The following AADAT variants were observed in gnomAD, a reference collection of about 807,000 sequenced individuals.
AADAT encodes the protein aminoadipate aminotransferase.
AADAT carries 25 observed loss-of-function variants against 56.2 expected under a neutral mutation model. That is an observed-to-expected ratio of 0.44 (90% CI 0.32 to 0.62). The LOEUF is 0.62. AADAT is among the 20% of genes least tolerant of loss of function. The probability of loss-of-function intolerance (pLI) is 0.04; values close to 1 mark genes in which losing one functional copy is unlikely to be tolerated. For synonymous variants in AADAT, 173 were observed against 164.7 expected (o/e 1.05, Z -0.39); for missense variants, 387 against 510.5 (o/e 0.76, Z 2.33).
At position 170,067,365 on chromosome 4, in the gene AADAT, G is replaced by C. The variant is rs779009351; in HGVS notation, c.924C>G (p.His308Gln). ...CCATGAAACCTTCTTCTCCCCATTC[G>C]TGTAGAAGCTGTGATATCATGAGCT... is the stretch of plus-strand genomic sequence containing the variant. ...FNQLMISQLL[H>Q]EWGEEGFMAH... Residue 308 changes from histidine (H) to glutamine (Q), a missense_variant, in exon 9 of 13, where the codon CAC becomes CAG. Physicochemically the swap from His to Gln is conservative, Grantham distance 24. Transcript: ENST00000337664. The C allele has an allele frequency of 6.2e-7, 1 of 1,613,170 alleles. No homozygotes were observed. The highest frequency in any genetic ancestry group is 2.2e-5 in the East Asian group (1 of 44,788).
In AADAT at chr4:170,073,403, GTT is replaced by G. The variant is rs5864015; in HGVS notation, c.445-60_445-59del. 2,955 of 1,168,736 alleles carry G rather than the reference GTT, an allele frequency of 2.5e-3. 1 individual carries two copies. Among genetic ancestry groups the G allele is most frequent in the East Asian group, 7.6e-3 (216 of 28,526 alleles). 72.4% of individuals were successfully genotyped at this position (1,168,736 alleles called of 1,614,324 possible). Reference sequence around the variant, plus strand: ...ATGATTACAAATGTAAGTGCTATTGGTTTTTTTTTTTTCTTTCTAACTAAGAA... The same window carrying G: ...ATGATTACAAATGTAAGTGCTATTGGTTTTTTTTTTCTTTCTAACTAAGAA... On this transcript the variant is annotated intron_variant, in intron 4 of 12. Coordinates refer to ENST00000337664, the MANE Select transcript of AADAT (RefSeq NM_016228.4).
chr4:170,066,061 CTTAG>C lies in AADAT; in HGVS notation c.1027+349_1027+352del, dbSNP rs1231748849. 5.8e-4 allele frequency among the ~76,000 whole-genome samples: 88 copies of C among 152,014 alleles called. 4 individuals carry two copies. Among genetic ancestry groups the C allele is most frequent in the Non-Finnish European group, 1.3e-4 (9 of 68,002 alleles). On this transcript the variant is annotated intron_variant, in intron 10 of 12. Transcript: ENST00000337664. Reference sequence around the variant, plus strand: ...CAGTAAGACATCTGCCTTTGTACAGCTTAGTTAGAGAAGCATGGTTTGACAATTT... The same window carrying C: ...CAGTAAGACATCTGCCTTTGTACAGCTTAGAGAAGCATGGTTTGACAATTT...
chr4:170,076,243 C>A (rs572832806), intron 4 of AADAT, among the ~76,000 whole-genome samples: 61 of 152,168 alleles, frequency 4.0e-4, no homozygotes, highest in Non-Finnish European at 5.0e-4. Context: ...CACATATTCA[C>A]TATTTTTTTT....
intron 1 of AADAT, 48 bp from the exon 2 acceptor site, chr4:170,088,612 T>C: frequency 1.9e-6 from 3 of 1,557,178 alleles, no homozygotes; most frequent in Non-Finnish European, 2.6e-6. Context: ...AAGATTGTTA[T>C]AAGCGGATAG....
chr4:170,064,695 C>T, intron 11 of AADAT, 24 bp downstream of exon 11: 1 of 1,546,348 alleles, frequency 6.5e-7, no homozygotes, highest in Non-Finnish European at 8.7e-7. Flanking sequence ...TTAGGTTTCC[C>T]AGCCCTTCAC....
intron 3 of AADAT, among the ~76,000 whole-genome samples, chr4:170,082,941 T>C (rs917991025): frequency 6.6e-6 from 1 of 151,388 alleles, no homozygotes; most frequent in Non-Finnish European, 1.5e-5. Flanking sequence ...ACAATAATAG[T>C]AGGAGACTTT....
intron 3 of AADAT, among the ~76,000 whole-genome samples, chr4:170,085,690 C>T (rs1732525967): frequency 6.6e-6 from 1 of 152,146 alleles, no homozygotes; most frequent in East Asian, 1.9e-4. Context: ...TCATTCTATA[C>T]AATCACAAAT....
At chr4:170,070,777 T>C in intron 5 of AADAT, 125 bp from the exon 6 acceptor site, 1 of 638,410 alleles carries the variant, frequency 1.6e-6, no homozygotes, top group African/African-American at 1.9e-5. Flanking sequence ...GTGTCTATTG[T>C]CTTAGACAAC....
At chr4:170,077,748 A>G (rs567304269) in intron 4 of AADAT, among the ~76,000 whole-genome samples, 58 of 152,368 alleles carry the variant, frequency 3.8e-4, no homozygotes, top group African/African-American at 1.2e-3. Context: ...CTGTGGTTCC[A>G]GTTCTATTAA....
At chr4:170,079,639 T>C (rs1471514614) in intron 3 of AADAT, among the ~76,000 whole-genome samples, 1 of 151,984 alleles carries the variant, frequency 6.6e-6, no homozygotes, top group Non-Finnish European at 1.5e-5. Context: ...GGAACATGAT[T>C]ATGGACAATA....
intron 9 of AADAT, among the ~76,000 whole-genome samples, chr4:170,066,785 A>G (rs1731485954): frequency 6.6e-6 from 1 of 152,170 alleles, no homozygotes; most frequent in African/African-American, 2.4e-5. Context: ...ACTGGTTCTC[A>G]TCACTCAGGA....
intron 4 of AADAT, among the ~76,000 whole-genome samples, chr4:170,076,540 TC>T (rs1489555594): frequency 6.6e-6 from 1 of 152,204 alleles, no homozygotes; most frequent in Non-Finnish European, 1.5e-5. Flanking sequence ...TCTATTTAAG[TC>T]CTTTGTCCAT....
chr4:170,082,851 A>G lies in AADAT; in HGVS notation c.369+4265T>C, dbSNP rs555635411. Among the ~76,000 whole-genome samples the G allele has an allele frequency of 2.6e-4, 40 of 152,162 alleles. 1 individual carries two copies. In the South Asian group the frequency reaches 7.9e-3, roughly 30 times the overall value. On this transcript the variant is annotated intron_variant, in intron 3 of 12. Transcript: ENST00000337664. ...CAAAGAAGGTCACTATATAATGATA[A>G]AGGGGTCAATTCAGCAAGATAATAC...
intron 11 of AADAT, among the ~76,000 whole-genome samples, chr4:170,064,309 T>C (rs557669596): frequency 1.3e-5 from 2 of 152,200 alleles, no homozygotes; most frequent in Non-Finnish European, 2.9e-5. Flanking sequence ...GCTTTACATA[T>C]ATTAACTCAC....
rs2111149491 is a variant in AADAT, at chr4:170,066,263, T to C, written c.1027+151A>G. 8.9e-6 allele frequency: 6 copies of C among 676,858 alleles called. 1 individual carries two copies. In the South Asian group the frequency reaches 1.1e-4, roughly 12 times the overall value. The allele number at this position is 676,858 out of a possible 1,614,324, so 41.9% of individuals were successfully genotyped here. A position where few individuals can be genotyped will look rare whatever the true frequency, so the allele number is the denominator to read the frequency against. On this transcript the variant is annotated intron_variant, in intron 10 of 12. Transcript: ENST00000337664. The stretch of plus-strand genomic sequence containing the variant: ...TGTGCCCAGGTTTATCAAATGTTGC[T>C]TCTGAGATGATTTATGGTGTAATGT...
upstream of AADAT, chr4:170,090,329 C>T (rs1215680320): frequency 6.6e-6 from 1 of 151,678 alleles, no homozygotes; most frequent in East Asian, 2.0e-4. Flanking sequence ...GGGAGCGGCC[C>T]CACCCTCGTT....
upstream of AADAT, among the ~76,000 whole-genome samples, chr4:170,093,887 C>G (rs1732937589): frequency 6.6e-6 from 1 of 152,224 alleles, no homozygotes; most frequent in African/African-American, 2.4e-5. Flanking sequence ...CATGAGCCAG[C>G]GCACCTGGCC....
At chr4:170,080,199 A>C (rs1362274840) in intron 3 of AADAT, among the ~76,000 whole-genome samples, 1 of 152,212 alleles carries the variant, frequency 6.6e-6, no homozygotes, top group Non-Finnish European at 1.5e-5. Flanking sequence ...AACAACCCAG[A>C]ACTCAAATAT....
At position 170,072,525 on chromosome 4, in the gene AADAT, T is replaced by C. The variant is rs190919325; in HGVS notation, c.654+611A>G. Among the ~76,000 whole-genome samples the C allele has an allele frequency of 3.2e-4, 48 of 152,284 alleles. No individual in the cohort carries two copies. The East Asian group carries it at 6.8e-3, about 21-fold the overall frequency. On this transcript the variant is annotated intron_variant, in intron 5 of 12. Transcript: ENST00000337664. ...TTCCACTGGATGTGACTAAATTCTATAGAGTTTAACATGGGTTTGGTATTT... is the reference window on the plus strand; with the variant it reads ...TTCCACTGGATGTGACTAAATTCTACAGAGTTTAACATGGGTTTGGTATTT...
Sources: gnomAD v4.1 joint callset for allele counts (sites outside exome capture counted in the v4.1 genomes callset) on GRCh38, gnomAD v4.1.1 for gene constraint, MANE v1.5 for transcripts, NCBI Gene and HGNC (gene_info 2026-07-23, HGNC 2026-07-21) for gene names.